The following DAB1 variants were observed in gnomAD, a reference collection of about 807,000 sequenced individuals.
DAB1 encodes disabled homolog 1.
Under a neutral mutation model 64.6 loss-of-function variants are expected in DAB1, and 15 were observed. The observed-to-expected ratio is 0.23, with a 90% CI of 0.16 to 0.36. The LOEUF is 0.36. Among genes scored for constraint, DAB1 ranks in the 10% least tolerant of loss-of-function variants. The pLI, the probability that DAB1 is intolerant of heterozygous loss-of-function variation, is 1.00. For synonymous variants in DAB1, 235 were observed against 251.9 expected (o/e 0.93, Z 0.64); for missense variants, 596 against 706.7 (o/e 0.84, Z 1.78).
chr1:58,074,543 T>TACAC (rs1553157877), intron 5 of DAB1: 8 of 95,902 alleles, frequency 8.3e-5, no homozygotes, highest in African/African-American at 3.3e-4. Context: ...TATATATATA[T>TACAC]ACACACATAT....
chr1:58,130,633 G>A (rs1036360519), intron 5 of DAB1, among the ~76,000 whole-genome samples: 110 of 152,138 alleles, frequency 7.2e-4, no homozygotes, highest in Non-Finnish European at 1.5e-3. Flanking sequence ...TCCTTCAGGA[G>A]CTCTTGTAAG....
At chr1:57,943,650 T>C (rs572617800) in intron 5 of DAB1, among the ~76,000 whole-genome samples, 23 of 152,308 alleles carry the variant, frequency 1.5e-4, no homozygotes, top group Non-Finnish European at 2.1e-4. Flanking sequence ...AGGCAGTGAC[T>C]GTAAGAACCC....
chr1:58,363,845 G>A (rs1222195227), intron 3 of DAB1, among the ~76,000 whole-genome samples: 1 of 149,998 alleles, frequency 6.7e-6, no homozygotes. Context: ...GCTGCACTGG[G>A]GAGCCTCAGG....
At chr1:57,469,485 A>C (rs1279074781) in intron 7 of DAB1, among the ~76,000 whole-genome samples, 2 of 152,112 alleles carry the variant, frequency 1.3e-5, no homozygotes, top group African/African-American at 2.4e-5. Flanking sequence ...GACAGAAGCC[A>C]TGTCCCTCTG....
chr1:58,137,244 T>C (rs1653998454), intron 5 of DAB1, among the ~76,000 whole-genome samples: 1 of 152,348 alleles, frequency 6.6e-6, no homozygotes, highest in East Asian at 1.9e-4. Context: ...AGTCCGTTGT[T>C]TTACACTAAG....
chr1:57,992,975 G>A (rs144285861), intron 5 of DAB1, among the ~76,000 whole-genome samples: 4 of 152,084 alleles, frequency 2.6e-5, no homozygotes, highest in Non-Finnish European at 4.4e-5. Flanking sequence ...CACCAACTCC[G>A]CACAGCTATG....
At chr1:58,207,257 T>C (rs573426580) in intron 4 of DAB1, among the ~76,000 whole-genome samples, 1 of 152,366 alleles carries the variant, frequency 6.6e-6, no homozygotes, top group East Asian at 1.9e-4. Flanking sequence ...TGGCTTGTTA[T>C]GCAGCAATAG....
In DAB1 at chr1:57,808,317, C is replaced by G. The variant is rs111438728; in HGVS notation, n.551+75682G>C. 2.2e-3 allele frequency among the ~76,000 whole-genome samples: 337 copies of G among 152,164 alleles called. 4 individuals are homozygous for G. Among genetic ancestry groups the G allele is most frequent in the Middle Eastern group, 0.01 (3 of 294 alleles). ...CTGTAACTATTCTTTGAATCTTAGCCCTAGTCCACCCTCTGTGCTCTCAGA... is the reference window on the plus strand; with the variant it reads ...CTGTAACTATTCTTTGAATCTTAGCGCTAGTCCACCCTCTGTGCTCTCAGA... On this transcript the variant is annotated intron_variant and non_coding_transcript_variant, in intron 6 of 20. Coordinates refer to the DAB1 transcript ENST00000485760.
intron 1 of DAB1, among the ~76,000 whole-genome samples, chr1:57,835,139 A>T (rs1478560383): frequency 6.6e-6 from 1 of 152,186 alleles, no homozygotes; most frequent in African/African-American, 2.4e-5. Context: ...CTCATGCTGG[A>T]TAATAATAAT....
intron 5 of DAB1, among the ~76,000 whole-genome samples, chr1:57,980,788 G>A (rs1180556118): frequency 1.3e-5 from 2 of 152,068 alleles, no homozygotes; most frequent in Non-Finnish European, 2.9e-5. Flanking sequence ...TCGGCAGTAT[G>A]TATTAAAAGT....
chr1:57,599,332 TC>T (rs1413923506), intron 7 of DAB1, among the ~76,000 whole-genome samples: 1 of 151,770 alleles, frequency 6.6e-6, no homozygotes, highest in Admixed American at 6.6e-5. Context: ...CTCACAACCC[TC>T]TGTTAGAGAA....
chr1:57,671,289 C>T (rs897373981), intron 6 of DAB1, among the ~76,000 whole-genome samples: 13 of 152,016 alleles, frequency 8.6e-5, no homozygotes, highest in Admixed American at 5.2e-4. Context: ...AAATATTTTA[C>T]GCTTTTTGGC....
intron 1 of DAB1, among the ~76,000 whole-genome samples, chr1:57,828,507 C>T: frequency 6.6e-6 from 1 of 152,032 alleles, no homozygotes; most frequent in East Asian, 1.9e-4. Flanking sequence ...TCCAGTGATA[C>T]CACATATTAT....
intron 7 of DAB1, among the ~76,000 whole-genome samples, chr1:57,591,240 C>T (rs747609338): frequency 4.8e-4 from 73 of 152,340 alleles, no homozygotes; most frequent in Non-Finnish European, 7.9e-4. Flanking sequence ...ACCCTCTACC[C>T]TCTCTGATGC....
Position 58,436,288 on chromosome 1 carries a change from ATTAGCTAG to A in DAB1, n.257+69764_257+69771del, listed in dbSNP as rs140000260. Among the ~76,000 whole-genome samples, 1,129 of 152,354 alleles carry A rather than the reference ATTAGCTAG, an allele frequency of 7.4e-3. 13 individuals are homozygous for A. The highest frequency in any genetic ancestry group is 0.026 in the African/African-American group (1,086 of 41,572). Reference sequence around the variant, plus strand: ...TCTAATATAATTCTTACACTCAATTATTAGCTAGTTGTACCTAGAATACATCCATTGGA... The same window carrying A: ...TCTAATATAATTCTTACACTCAATTATTGTACCTAGAATACATCCATTGGA... On this transcript the variant is annotated intron_variant and non_coding_transcript_variant, in intron 3 of 20. Transcript: ENST00000485760.
intron 5 of DAB1, among the ~76,000 whole-genome samples, chr1:58,116,704 C>T (rs1470781826): frequency 6.6e-6 from 1 of 152,164 alleles, no homozygotes; most frequent in African/African-American, 2.4e-5. Flanking sequence ...AGAAGCTAGA[C>T]TTCAATCTCT....
chr1:57,908,344 G>T (rs1644589128), intron 5 of DAB1, among the ~76,000 whole-genome samples: 1 of 151,928 alleles, frequency 6.6e-6, no homozygotes. Context: ...AACCTGACAG[G>T]ACTCCACTGA....
intron 1 of DAB1, among the ~76,000 whole-genome samples, chr1:57,346,753 T>A (rs1678140662): frequency 6.6e-6 from 1 of 152,188 alleles, no homozygotes; most frequent in Admixed American, 6.5e-5. Context: ...TACAGCAGTG[T>A]ACATGAACTG....
intron 6 of DAB1, among the ~76,000 whole-genome samples, chr1:57,786,181 G>T (rs948440043): frequency 2.0e-5 from 3 of 152,040 alleles, no homozygotes; most frequent in African/African-American, 7.3e-5. Flanking sequence ...TAATACTTTT[G>T]CACACTTAAT....
Sources: gnomAD v4.1 joint callset for allele counts (sites outside exome capture counted in the v4.1 genomes callset) on GRCh38, gnomAD v4.1.1 for gene constraint, MANE v1.5 for transcripts, NCBI Gene and HGNC (gene_info 2026-07-23, HGNC 2026-07-21) for gene names.